The following OR51C1 variants were observed in gnomAD, a reference collection of about 807,000 sequenced individuals.
OR51C1 encodes the protein olfactory receptor OR51C1.
At chr11:4,694,246 A>G in the OR51C1 span, among the ~76,000 whole-genome samples, 1 of 152,076 alleles carries the variant, frequency 6.6e-6, no homozygotes, top group Non-Finnish European at 1.5e-5. Context: ...AAACAAAACA[A>G]AAGAAAACCA....
chr11:4,690,654 C>A, the OR51C1 span: 1 of 324,736 alleles, frequency 3.1e-6, no homozygotes, highest in East Asian at 8.4e-5. Context: ...ATGTGCTTAG[C>A]TTCAATGGGC....
At chr11:4,694,202 G>GTA in the OR51C1 span, among the ~76,000 whole-genome samples, 30 of 151,142 alleles carry the variant, frequency 2.0e-4, no homozygotes, top group African/African-American at 7.3e-4. Flanking sequence ...ATTCTTCTTG[G>GTA]TAGTTTTTTT....
the OR51C1 span, among the ~76,000 whole-genome samples, chr11:4,696,445 C>T: frequency 1.3e-5 from 2 of 152,080 alleles, no homozygotes; most frequent in Admixed American, 1.3e-4. Context: ...GATTCTACTC[C>T]TGAAATGTAA....
At chr11:4,694,991 A>G in the OR51C1 span, among the ~76,000 whole-genome samples, 1 of 152,166 alleles carries the variant, frequency 6.6e-6, no homozygotes, top group East Asian at 1.9e-4. Flanking sequence ...GAGAGACATG[A>G]ATGAAAGAAT....
chr11:4,696,540 T>C, the OR51C1 span, among the ~76,000 whole-genome samples: 2 of 152,284 alleles, frequency 1.3e-5, no homozygotes, highest in South Asian at 4.2e-4. Flanking sequence ...CATTGCATTT[T>C]TCTTACATTG....
At chr11:4,691,266 A>G in the OR51C1 span, 2 of 457,116 alleles carry the variant, frequency 4.4e-6, no homozygotes, top group Non-Finnish European at 8.8e-6. Context: ...TGCCACTCCA[A>G]TTTGAGCTAT....
the OR51C1 span, chr11:4,692,121 A>T: frequency 2.2e-6 from 1 of 447,854 alleles, no homozygotes; most frequent in Non-Finnish European, 4.5e-6. Flanking sequence ...GGCACCAGAG[A>T]AAAATACACT....
the OR51C1 span, chr11:4,691,197 G>A: frequency 4.4e-6 from 2 of 456,792 alleles, 1 homozygote; most frequent in South Asian, 3.1e-5. Context: ...GTGGCAGTAG[G>A]AAAGTCTTAT....
the OR51C1 span, chr11:4,691,182 T>C: frequency 2.2e-6 from 1 of 456,782 alleles, no homozygotes; most frequent in Non-Finnish European, 4.4e-6. Context: ...GTGGAGTACT[T>C]GGCTGTGGCA....
the OR51C1 span, among the ~76,000 whole-genome samples, chr11:4,693,178 C>A: frequency 6.6e-6 from 1 of 152,116 alleles, no homozygotes; most frequent in African/African-American, 2.4e-5. Flanking sequence ...GGTCATTCCA[C>A]AATGCATACA....
At chr11:4,695,178 A>T in the OR51C1 span, among the ~76,000 whole-genome samples, 15 of 152,294 alleles carry the variant, frequency 9.8e-5, no homozygotes, top group South Asian at 8.3e-4. Context: ...CAAGAGCCAG[A>T]CATTTCTAAC....
chr11:4,692,655 G>C, the OR51C1 span, among the ~76,000 whole-genome samples: 1 of 152,126 alleles, frequency 6.6e-6, no homozygotes, highest in African/African-American at 2.4e-5. Context: ...CAGAGATTAG[G>C]GTTGTGGCTG....
chr11:4,692,132 G>A, the OR51C1 span: 2 of 450,454 alleles, frequency 4.4e-6, no homozygotes, highest in African/African-American at 4.0e-5. Context: ...AAAATACACT[G>A]GGGCTGTGGA....
chr11:4,696,313 A>G, the OR51C1 span, among the ~76,000 whole-genome samples: 1 of 152,238 alleles, frequency 6.6e-6, no homozygotes, highest in East Asian at 1.9e-4. Context: ...AGCAAACGAC[A>G]TCGAACTCTA....
At chr11:4,692,058 T>C in the OR51C1 span, 6 of 375,312 alleles carry the variant, frequency 1.6e-5, no homozygotes, top group East Asian at 7.3e-5. Context: ...TCATTCTTTA[T>C]GGCATGTTTA....
At chr11:4,690,730 G>T in the OR51C1 span, 1 of 375,780 alleles carries the variant, frequency 2.7e-6, no homozygotes, top group African/African-American at 2.1e-5. Flanking sequence ...ATCTTGAGGG[G>T]TCCATCTAGT....
At chr11:4,692,780 C>T in the OR51C1 span, among the ~76,000 whole-genome samples, 1 of 150,116 alleles carries the variant, frequency 6.7e-6, no homozygotes, top group Non-Finnish European at 1.5e-5. Flanking sequence ...GGAGAGGAAC[C>T]TCAACGTATC....
the OR51C1 span, among the ~76,000 whole-genome samples, chr11:4,696,010 G>A: frequency 6.6e-6 from 1 of 152,098 alleles, no homozygotes; most frequent in Admixed American, 6.5e-5. Flanking sequence ...TTAAAAGTTA[G>A]CAGAATCTTT....
At chr11:4,691,446 A>G in the OR51C1 span, 7 of 457,116 alleles carry the variant, frequency 1.5e-5, no homozygotes, top group Admixed American at 1.6e-4. Flanking sequence ...GAACCAGAAT[A>G]TACTCAGCAT....
Sources: gnomAD v4.1 joint callset for allele counts (sites outside exome capture counted in the v4.1 genomes callset) on GRCh38, gnomAD v4.1.1 for gene constraint, MANE v1.5 for transcripts, NCBI Gene and HGNC (gene_info 2026-07-23, HGNC 2026-07-21) for gene names.